Variants in IQCM observed in about 807,000 individuals in gnomAD.
IQCM encodes the protein IQ motif containing M, also known as IQ domain-containing protein M.
IQCM carries 45 observed loss-of-function variants against 57.6 expected under a neutral mutation model. The observed-to-expected ratio is 0.78, with a 90% CI of 0.62 to 1.00. The LOEUF (loss-of-function observed/expected upper bound fraction) is 1.00, where lower values mean the gene tolerates loss of function less well. Among genes scored for constraint, IQCM ranks in the 50% least tolerant of loss-of-function variants. The pLI is 0.00. For synonymous variants in IQCM, 148 were observed against 158.9 expected (o/e 0.93, Z 0.51); for missense variants, 468 against 511.6 (o/e 0.91, Z 0.82).
At chr4:149,591,390 T>C (rs544717784) in intron 8 of IQCM, among the ~76,000 whole-genome samples, 1 of 152,192 alleles carries the variant, frequency 6.6e-6, no homozygotes, top group South Asian at 2.1e-4. Context: ...AGCATAAAAT[T>C]ATAAAATATG....
chr4:149,589,199 G>C (rs888623055), intron 8 of IQCM, among the ~76,000 whole-genome samples: 1 of 151,962 alleles, frequency 6.6e-6, no homozygotes, highest in Non-Finnish European at 1.5e-5. Context: ...GGAATTTGAA[G>C]TAAACTTGAT....
chr4:149,775,895 C>G (rs1035478795), intron 2 of IQCM, among the ~76,000 whole-genome samples: 1 of 152,108 alleles, frequency 6.6e-6, no homozygotes, highest in Non-Finnish European at 1.5e-5. Flanking sequence ...GGAGAGCTAT[C>G]CCTGTCCTCA....
At chr4:149,482,817 C>CT (rs1040062630) in intron 12 of IQCM, among the ~76,000 whole-genome samples, 1 of 150,428 alleles carries the variant, frequency 6.6e-6, no homozygotes, top group African/African-American at 2.4e-5. Flanking sequence ...ACATGTTCTT[C>CT]TTATTTTTCA....
chr4:149,483,039 T>C (rs1013332785), intron 12 of IQCM, among the ~76,000 whole-genome samples: 9 of 152,064 alleles, frequency 5.9e-5, no homozygotes, highest in Middle Eastern at 6.8e-3. Context: ...TTCTAAATTT[T>C]CCAATTCATT....
At chr4:149,436,305 T>G (rs1190672627) in intron 12 of IQCM, among the ~76,000 whole-genome samples, 1 of 152,176 alleles carries the variant, frequency 6.6e-6, no homozygotes. Context: ...ATGCCTACAC[T>G]AAAATCTAAG....
At chr4:149,705,732 AAAG>A (rs1220920691) in intron 5 of IQCM, among the ~76,000 whole-genome samples, 1 of 151,940 alleles carries the variant, frequency 6.6e-6, no homozygotes. Context: ...TTTGGTCATG[AAAG>A]AAGGTTTTAA....
At chr4:149,377,031 G>A (rs1730744249) in intron 13 of IQCM, among the ~76,000 whole-genome samples, 1 of 151,810 alleles carries the variant, frequency 6.6e-6, no homozygotes, top group East Asian at 1.9e-4. Context: ...TGAAGCTACT[G>A]GGTCAAATTA....
At chr4:149,473,308 G>C (rs540332429) in intron 12 of IQCM, among the ~76,000 whole-genome samples, 1 of 152,238 alleles carries the variant, frequency 6.6e-6, no homozygotes, top group Admixed American at 6.5e-5. Context: ...TCAAAAAGTG[G>C]GAGAAGGATA....
intron 12 of IQCM, among the ~76,000 whole-genome samples, chr4:149,455,203 G>T (rs1395689679): frequency 2.6e-5 from 4 of 152,002 alleles, no homozygotes; most frequent in African/African-American, 9.7e-5. Flanking sequence ...TGCCGCACTG[G>T]CAGTTTATGC....
rs142664601 is a variant in IQCM at position 149,744,771 on chromosome 4, CA to C, written c.-48-2033del. 8.9e-3 allele frequency among the ~76,000 whole-genome samples: 1,355 copies of C among 152,028 alleles called. 10 individuals are homozygous for C. Among genetic ancestry groups the C allele is most frequent in the African/African-American group, 0.03 (1,254 of 41,434 alleles). ...GCTGAGTCCTTCCTAATGCATCCAT[CA>C]ATTAATAAAAGCATATTTAGTGCCT... On this transcript the variant is annotated intron_variant, in intron 2 of 13. Transcript: ENST00000636793.
intron 2 of IQCM, among the ~76,000 whole-genome samples, chr4:149,794,246 C>T (rs1772907490): frequency 6.6e-6 from 1 of 152,194 alleles, no homozygotes; most frequent in Non-Finnish European, 1.5e-5. Flanking sequence ...CTGGATAAAT[C>T]CCTCCCACAT....
At chr4:149,565,388 A>T (rs1048433812) in intron 9 of IQCM, among the ~76,000 whole-genome samples, 1 of 152,054 alleles carries the variant, frequency 6.6e-6, no homozygotes, top group South Asian at 2.1e-4. Flanking sequence ...TGATTATTTG[A>T]CCCAGCCACA....
intron 12 of IQCM, among the ~76,000 whole-genome samples, chr4:149,441,467 C>A (rs1236744820): frequency 6.6e-6 from 1 of 152,132 alleles, no homozygotes; most frequent in East Asian, 1.9e-4. Context: ...AACTTGAGAA[C>A]AGTTCTAAGT....
intron 12 of IQCM, among the ~76,000 whole-genome samples, chr4:149,526,325 A>T (rs969930736): frequency 6.6e-6 from 1 of 152,014 alleles, no homozygotes; most frequent in Non-Finnish European, 1.5e-5. Context: ...AAGACATTGA[A>T]ACGGGTTAGA....
intron 12 of IQCM, among the ~76,000 whole-genome samples, chr4:149,474,942 T>C (rs553319631): frequency 1.3e-5 from 2 of 152,010 alleles, no homozygotes; most frequent in South Asian, 4.2e-4. Context: ...TAATAAGAGT[T>C]GGAGTCAGAG....
At chr4:149,475,148 T>C (rs1740045690) in intron 12 of IQCM, among the ~76,000 whole-genome samples, 1 of 152,220 alleles carries the variant, frequency 6.6e-6, no homozygotes, top group South Asian at 2.1e-4. Context: ...GAGGATGCTA[T>C]TGCAGTAATC....
chr4:149,359,994 C>A (rs935739706), intron 13 of IQCM, among the ~76,000 whole-genome samples: 3 of 151,678 alleles, frequency 2.0e-5, no homozygotes, highest in Non-Finnish European at 4.4e-5. Context: ...ATTTCCTAAT[C>A]AAGAAATAAA....
At chr4:149,792,956 A>G (rs1772778393) in intron 2 of IQCM, among the ~76,000 whole-genome samples, 2 of 152,180 alleles carry the variant, frequency 1.3e-5, no homozygotes, top group South Asian at 4.1e-4. Flanking sequence ...AACAATGTTC[A>G]CATGCAGTAG....
intron 12 of IQCM, among the ~76,000 whole-genome samples, chr4:149,457,760 T>A (rs1737850987): frequency 1.3e-5 from 2 of 152,040 alleles, no homozygotes; most frequent in African/African-American, 4.8e-5. Flanking sequence ...GATTTTAGAA[T>A]TCTACTGTTT....
Sources: gnomAD v4.1 joint callset for allele counts (sites outside exome capture counted in the v4.1 genomes callset) on GRCh38, gnomAD v4.1.1 for gene constraint, MANE v1.5 for transcripts, NCBI Gene and HGNC (gene_info 2026-07-23, HGNC 2026-07-21) for gene names.